The following KLF12 variants were observed in gnomAD, a reference collection of about 807,000 sequenced individuals.
KLF12 encodes Krueppel-like factor 12.
KLF12 carries 9 observed loss-of-function variants against 37.8 expected under a neutral mutation model. The observed-to-expected ratio is 0.24, with a 90% CI of 0.14 to 0.42. KLF12 has a LOEUF of 0.42. Ranked by LOEUF, KLF12 falls within the 10% of genes least tolerant of loss-of-function variation. The probability of loss-of-function intolerance (pLI) is 1.00; values close to 1 mark genes in which losing one functional copy is unlikely to be tolerated. For missense variants in KLF12, 411 were observed against 516.0 expected, an observed-to-expected ratio of 0.80 and a Z score of 1.97; for synonymous variants, 208 against 202.1, an observed-to-expected ratio of 1.03 and a Z score of -0.25.
At chr13:73,805,708 GGAA>G in intron 5 of KLF12, among the ~76,000 whole-genome samples, 1 of 145,876 alleles carries the variant, frequency 6.9e-6, no homozygotes. Context: ...AAGGAAGGAA[GGAA>G]GGGGAAAAGA....
At chr13:74,213,931 C>A in the KLF12 span, among the ~76,000 whole-genome samples, 14 of 150,146 alleles carry the variant, frequency 9.3e-5, no homozygotes, top group African/African-American at 3.4e-4. Context: ...AGCATTTTTA[C>A]CTCATCTCAT....
At position 73,805,650 on chromosome 13, in the gene KLF12, G is replaced by GAGGA. The variant is rs1164051826; in HGVS notation, c.806+7498_806+7501dup. On this transcript the variant is annotated intron_variant, in intron 5 of 7. Transcript: ENST00000377669. ...GGAGGGAGGGAGGGAGGGAGGGAGGGAGGAAGGAAGGAAGGAAGGAAGGAA... is the reference window on the plus strand; with the variant it reads ...GGAGGGAGGGAGGGAGGGAGGGAGGGAGGAAGGAAGGAAGGAAGGAAGGAAGGAA... 9.3e-3 allele frequency among the ~76,000 whole-genome samples: 342 copies of GAGGA among 36,956 alleles called. 15 individuals are homozygous for GAGGA. Among genetic ancestry groups the GAGGA allele is most frequent in the Middle Eastern group, 0.016 (1 of 62 alleles). The allele number at this position is 36,956 out of a possible 152,430, so 24.2% of individuals were successfully genotyped here. A position where few individuals can be genotyped will look rare whatever the true frequency, so the allele number is the denominator to read the frequency against.
chr13:74,178,809 C>T, the KLF12 span, among the ~76,000 whole-genome samples: 1 of 152,182 alleles, frequency 6.6e-6, no homozygotes. Context: ...TGACCCTCCC[C>T]AGCCTCAGAG....
chr13:74,088,849 C>T (rs1470921997), intron 1 of KLF12, among the ~76,000 whole-genome samples: 1 of 152,170 alleles, frequency 6.6e-6, no homozygotes, highest in Admixed American at 6.5e-5. Context: ...TGTTAAAAAT[C>T]ACTCACAAAG....
intron 1 of KLF12, among the ~76,000 whole-genome samples, chr13:74,121,800 T>C (rs1237403065): frequency 1.3e-5 from 2 of 151,976 alleles, no homozygotes; most frequent in Non-Finnish European, 2.9e-5. Context: ...AGAAAATTTA[T>C]AAAGAAATCC....
intron 1 of KLF12, among the ~76,000 whole-genome samples, chr13:74,071,852 G>T (rs1874273969): frequency 6.6e-6 from 1 of 152,172 alleles, no homozygotes; most frequent in Non-Finnish European, 1.5e-5. Context: ...GTCTGACTGT[G>T]TATGGTGATT....
the KLF12 span, chr13:74,289,091 C>T: frequency 6.6e-6 from 1 of 152,076 alleles, no homozygotes; most frequent in African/African-American, 2.4e-5. Context: ...TATATTTTTT[C>T]TATTTTTTTT....
the KLF12 span, among the ~76,000 whole-genome samples, chr13:74,191,660 G>A: frequency 6.6e-6 from 1 of 152,142 alleles, no homozygotes; most frequent in Non-Finnish European, 1.5e-5. Context: ...CTAGCATACA[G>A]GCCTACTTAG....
At chr13:74,030,494 AT>A (rs1893086337) in intron 1 of KLF12, among the ~76,000 whole-genome samples, 1 of 152,092 alleles carries the variant, frequency 6.6e-6, no homozygotes, top group South Asian at 2.1e-4. Context: ...ATGGGCCTTA[AT>A]TAAATTTCTA....
At chr13:73,935,599 A>T (rs1158360001) in intron 3 of KLF12, among the ~76,000 whole-genome samples, 1 of 151,960 alleles carries the variant, frequency 6.6e-6, no homozygotes, top group Non-Finnish European at 1.5e-5. Flanking sequence ...CACATGATGC[A>T]CGAGCTCCCA....
the KLF12 span, among the ~76,000 whole-genome samples, chr13:74,207,230 C>A: frequency 6.6e-6 from 1 of 152,298 alleles, no homozygotes; most frequent in Admixed American, 6.5e-5. Flanking sequence ...GGCCTAATGT[C>A]CTCTTAACAG....
At chr13:74,135,506 T>TGCAGTTCCCGCGGCG (rs1878517762), upstream of KLF12, among the ~76,000 whole-genome samples, 1 of 151,094 alleles carries the variant, frequency 6.6e-6, no homozygotes, top group Non-Finnish European at 1.5e-5. Context: ...CGGGCGGCCC[T>TGCAGTTCCCGCGGCG]GCAGTTCCCG....
At chr13:74,254,562 A>G in the KLF12 span, among the ~76,000 whole-genome samples, 1 of 152,172 alleles carries the variant, frequency 6.6e-6, no homozygotes, top group Non-Finnish European at 1.5e-5. Context: ...TTTTGAACTC[A>G]TTTCTAACTG....
At chr13:73,947,223 T>G (rs1183338798) in intron 2 of KLF12, among the ~76,000 whole-genome samples, 1 of 152,240 alleles carries the variant, frequency 6.6e-6, no homozygotes. Flanking sequence ...ACTTTATGTA[T>G]GCTTATACAC....
chr13:73,880,594 G>A (rs1395748786), intron 3 of KLF12, among the ~76,000 whole-genome samples: 1 of 152,118 alleles, frequency 6.6e-6, no homozygotes, highest in African/African-American at 2.4e-5. Flanking sequence ...TTCCTAATTT[G>A]TTGCTTCCAA....
At chr13:74,101,986 G>A (rs752635185) in intron 1 of KLF12, among the ~76,000 whole-genome samples, 3 of 151,878 alleles carry the variant, frequency 2.0e-5, no homozygotes, top group South Asian at 2.1e-4. Context: ...TTGGGAGGCC[G>A]AGACGGGCGG....
At chr13:74,280,513 G>A in the KLF12 span, among the ~76,000 whole-genome samples, 2 of 152,206 alleles carry the variant, frequency 1.3e-5, no homozygotes, top group Non-Finnish European at 2.9e-5. Flanking sequence ...GTTTCTCATG[G>A]TGGTGAAAAC....
At chr13:73,962,007 C>A (rs1311853848) in intron 2 of KLF12, 1 of 455,128 alleles carries the variant, frequency 2.2e-6, no homozygotes, top group Non-Finnish European at 4.4e-6. Context: ...CTCAAATGAA[C>A]TGAAATTATG....
chr13:73,864,313 C>T (rs1471357730), intron 3 of KLF12, among the ~76,000 whole-genome samples: 1 of 152,052 alleles, frequency 6.6e-6, no homozygotes, highest in African/African-American at 2.4e-5. Context: ...CATAGTTGTA[C>T]TTTACCAGTG....
Sources: allele counts gnomAD v4.1 joint callset (sites outside exome capture counted in the v4.1 genomes callset), GRCh38; gene constraint gnomAD v4.1.1; transcripts MANE v1.5; gene names NCBI Gene and HGNC (gene_info 2026-07-23, HGNC 2026-07-21).